The following CDH12 variants were observed in gnomAD, a reference collection of about 807,000 sequenced individuals.
CDH12 encodes cadherin 12, also known as cadherin-12.
Under a neutral mutation model 74.1 loss-of-function variants are expected in CDH12, and 41 were observed. That is an observed-to-expected ratio of 0.55 (90% confidence interval 0.43 to 0.72). The LOEUF is 0.72. CDH12 is among the 30% of genes least tolerant of loss of function. CDH12 has a pLI of 0.00. For missense variants in CDH12, 945 were observed against 977.2 expected, an observed-to-expected ratio of 0.97 and a Z score of 0.44; for synonymous variants, 399 against 355.0, an observed-to-expected ratio of 1.12 and a Z score of -1.39.
chr5:22,082,662 A>G (rs1742819831), intron 4 of CDH12, among the ~76,000 whole-genome samples: 1 of 152,198 alleles, frequency 6.6e-6, no homozygotes, highest in Admixed American at 6.5e-5. Context: ...AGGGGTGACT[A>G]CTGTGTGTTG....
At chr5:21,871,156 G>C (rs1247304022) in intron 6 of CDH12, among the ~76,000 whole-genome samples, 1 of 152,068 alleles carries the variant, frequency 6.6e-6, no homozygotes, top group Non-Finnish European at 1.5e-5. Context: ...AATAGTGAGG[G>C]CTAAGAATTC....
chr5:22,711,669 T>C (rs771841857), intron 1 of CDH12, among the ~76,000 whole-genome samples: 1 of 152,074 alleles, frequency 6.6e-6, no homozygotes, highest in Non-Finnish European at 1.5e-5. Context: ...CATATACATA[T>C]TCATAGGAAA....
intron 5 of CDH12, among the ~76,000 whole-genome samples, chr5:22,056,985 G>C (rs908578103): frequency 5.3e-5 from 8 of 152,156 alleles, no homozygotes; most frequent in Non-Finnish European, 1.0e-4. Context: ...ACAAGATGGA[G>C]TGAGCAGTTC....
Position 21,752,093 on chromosome 5 carries a change from C to T in CDH12, c.2029G>A (p.Ala677Thr), listed in dbSNP as rs774676735. 1.9e-6 allele frequency: 3 copies of T among 1,614,084 alleles called. No individual in the cohort carries two copies. In the South Asian group the frequency reaches 3.3e-5, roughly 18 times the overall value. The part of the protein sequence containing the change: ...EEDTQAFDIG[A>T]LRNPKVIEEN... Reference sequence around the variant, plus strand: ...TCAATCACTTTTGGGTTTCTCAGAGCCCCGATGTCGAAAGCCTGGGTATCT... The same window carrying T: ...TCAATCACTTTTGGGTTTCTCAGAGTCCCGATGTCGAAAGCCTGGGTATCT... The change falls in exon 15 of 15, where the codon GCT becomes ACT. Residue 677 changes from alanine to threonine, a missense_variant. By Grantham distance (58) the Ala-to-Thr change is moderately conservative (BLOSUM62 0). Coordinates refer to ENST00000382254, the MANE Select transcript of CDH12 (RefSeq NM_004061.5).
intron 11 of CDH12, chr5:21,779,560 T>C (rs1305268033): frequency 1.3e-5 from 2 of 152,226 alleles, no homozygotes; most frequent in African/African-American, 4.8e-5. Context: ...TAAAATTATT[T>C]GGACCTCCAA....
intron 4 of CDH12, among the ~76,000 whole-genome samples, chr5:22,097,333 C>T (rs185673895): frequency 5.3e-5 from 8 of 152,166 alleles, no homozygotes; most frequent in Non-Finnish European, 7.3e-5. Flanking sequence ...ACTGCCCGAT[C>T]GCCTCAGAAG....
At chr5:22,001,385 C>A (rs1736593203) in intron 5 of CDH12, among the ~76,000 whole-genome samples, 1 of 152,164 alleles carries the variant, frequency 6.6e-6, no homozygotes, top group Admixed American at 6.6e-5. Flanking sequence ...AAAATGCTCA[C>A]TCCTCCCAGA....
intron 3 of CDH12, among the ~76,000 whole-genome samples, chr5:22,286,428 C>A (rs538362275): frequency 6.6e-6 from 1 of 152,178 alleles, no homozygotes; most frequent in East Asian, 1.9e-4. Flanking sequence ...ACTACATAAA[C>A]CTAAAAGATA....
intron 13 of CDH12, among the ~76,000 whole-genome samples, chr5:21,759,294 G>A (rs1330596182): frequency 6.6e-6 from 1 of 151,212 alleles, no homozygotes; most frequent in Admixed American, 6.6e-5. Flanking sequence ...TTACAGTAAT[G>A]TGTAAAGACA....
At chr5:21,757,729 A>C (rs978194453) in intron 13 of CDH12, among the ~76,000 whole-genome samples, 2 of 152,114 alleles carry the variant, frequency 1.3e-5, no homozygotes, top group African/African-American at 2.4e-5. Context: ...TAGCTCTTTC[A>C]GCAAAGATAC....
At chr5:22,715,546 G>A (rs1030203768) in intron 1 of CDH12, among the ~76,000 whole-genome samples, 1 of 152,032 alleles carries the variant, frequency 6.6e-6, no homozygotes, top group Non-Finnish European at 1.5e-5. Context: ...CAAATACATA[G>A]AAATACATGC....
At chr5:22,341,072 A>T (rs1012461068) in intron 3 of CDH12, among the ~76,000 whole-genome samples, 2 of 152,232 alleles carry the variant, frequency 1.3e-5, no homozygotes, top group African/African-American at 4.8e-5. Context: ...TTCTTACTAT[A>T]GTCTATATAC....
chr5:22,753,857 C>T (rs1745737792), intron 1 of CDH12, among the ~76,000 whole-genome samples: 2 of 151,986 alleles, frequency 1.3e-5, no homozygotes, highest in Non-Finnish European at 2.9e-5. Flanking sequence ...TAACAATTTG[C>T]TTTGCTAACA....
rs545463039 is a variant in CDH12 at position 22,450,877 on chromosome 5, C to CTT, written c.-427-45528_-427-45527dup. 1.2e-4 allele frequency among the ~76,000 whole-genome samples: 15 copies of CTT among 129,258 alleles called. 1 individual carries two copies. The highest frequency in any genetic ancestry group is 6.9e-4 in the East Asian group (3 of 4,358). 84.8% of individuals were successfully genotyped at this position (129,258 alleles called of 152,430 possible). ...GTTTCTAGACCCACCTAATAAGCCACTTTTTTTTTTTTTTTTTTTCCTAAG... is the reference window on the plus strand; with the variant it reads ...GTTTCTAGACCCACCTAATAAGCCACTTTTTTTTTTTTTTTTTTTTTCCTAAG... On this transcript the variant is annotated intron_variant, in intron 2 of 14. Coordinates refer to ENST00000382254, the MANE Select transcript of CDH12 (RefSeq NM_004061.5).
chr5:22,762,309 G>C (rs1247989383), intron 1 of CDH12, among the ~76,000 whole-genome samples: 1 of 152,028 alleles, frequency 6.6e-6, no homozygotes, highest in Non-Finnish European at 1.5e-5. Flanking sequence ...CTTACCCATA[G>C]ATCTGTCCCT....
intron 1 of CDH12, among the ~76,000 whole-genome samples, chr5:22,524,385 G>T (rs1275925299): frequency 1.3e-5 from 2 of 152,068 alleles, no homozygotes; most frequent in Admixed American, 1.3e-4. Flanking sequence ...TCCCCAGGGG[G>T]ATATAATCCC....
chr5:22,453,064 T>C (rs1222645153), intron 2 of CDH12, among the ~76,000 whole-genome samples: 2 of 151,738 alleles, frequency 1.3e-5, no homozygotes, highest in South Asian at 2.1e-4. Flanking sequence ...AAATGGCTAT[T>C]ATCAAAAAAA....
rs192866725 is a variant in CDH12, at chr5:22,199,624, G to A, written c.-187+12874C>T. ...CTAAAATATTCTCAAGAACAAAATG[G>A]CTTAGCATCCCATAGAGAAAAACAT... On this transcript the variant is annotated intron_variant, in intron 4 of 14. Transcript: ENST00000382254. 1.0e-3 allele frequency among the ~76,000 whole-genome samples: 154 copies of A among 152,180 alleles called. 1 individual carries two copies. Among genetic ancestry groups the A allele is most frequent in the African/African-American group, 3.6e-3 (151 of 41,514 alleles).
chr5:22,658,082 T>C (rs940934172), intron 1 of CDH12, among the ~76,000 whole-genome samples: 1 of 152,194 alleles, frequency 6.6e-6, no homozygotes, highest in Non-Finnish European at 1.5e-5. Context: ...AGTGTAGTGA[T>C]AGCTTTTGCA....
Sources: gnomAD v4.1 joint callset for allele counts (sites outside exome capture counted in the v4.1 genomes callset) on GRCh38, gnomAD v4.1.1 for gene constraint, MANE v1.5 for transcripts, NCBI Gene and HGNC (gene_info 2026-07-23, HGNC 2026-07-21) for gene names.